SMG5: variants seen among roughly 807,000 people sequenced by gnomAD.
The protein encoded by SMG5 is nonsense-mediated mRNA decay factor SMG5.
A neutral mutation model predicts 122.9 loss-of-function variants in SMG5; 53 were observed. That is an observed-to-expected ratio of 0.43 (90% CI 0.35 to 0.54). SMG5 has a LOEUF of 0.54. Ranked by LOEUF, SMG5 falls within the 20% of genes least tolerant of loss-of-function variation. The pLI is 0.01. For synonymous variants in SMG5, 477 were observed against 490.2 expected (o/e 0.97, Z 0.35); for missense variants, 1,153 against 1,285.6 (o/e 0.90, Z 1.58).
intron 4 of SMG5, among the ~76,000 whole-genome samples, chr1:156,275,128 A>T (rs1296960498): frequency 7.8e-6 from 1 of 128,036 alleles, no homozygotes; most frequent in Non-Finnish European, 1.7e-5. Context: ...GAATGACGCC[A>T]ATTAAAAAAA....
In SMG5 at chr1:156,249,726, G is replaced by C. The variant is rs1210533234; in HGVS notation, c.*861C>G. ...TTCAGCCCTCCCTTAGATAGGAAGG[G>C]GGGTGGTGGCCTCAGACTGCACCCC... On this transcript the variant is annotated 3_prime_UTR_variant, in exon 22 of 22. Transcript: ENST00000361813. 4.3e-6 allele frequency: 2 copies of C among 469,632 alleles called. No individual in the cohort carries two copies. The highest frequency in any genetic ancestry group is 3.1e-5 in the South Asian group (2 of 64,510). 29.1% of individuals were successfully genotyped at this position (469,632 alleles called of 1,614,324 possible).
At chr1:156,259,623 G>A (rs909064269) in intron 15 of SMG5, among the ~76,000 whole-genome samples, 4 of 152,092 alleles carry the variant, frequency 2.6e-5, no homozygotes, top group African/African-American at 9.7e-5. Context: ...TCTACCTCCT[G>A]GGCTGAAGTC....
upstream of SMG5, chr1:156,286,504 G>A (rs759072561): frequency 2.5e-6 from 4 of 1,607,258 alleles, no homozygotes; most frequent in Non-Finnish European, 3.4e-6. Context: ...GGGCATGGGA[G>A]AGGGGATGGT....
chr1:156,260,725 G>T (rs1661785890), intron 14 of SMG5, 99 bp from the exon 15 acceptor site: 1 of 1,118,222 alleles, frequency 8.9e-7, no homozygotes, highest in Non-Finnish European at 1.2e-6. Flanking sequence ...CTGATGAGAT[G>T]ATGAGGCAGG....
At chr1:156,274,520 G>A in intron 5 of SMG5, 77 bp downstream of exon 5, 1 of 1,285,416 alleles carries the variant, frequency 7.8e-7, no homozygotes, top group Non-Finnish European at 1.1e-6. Context: ...CCATGTAATG[G>A]GTGTTACCAA....
intron 4 of SMG5, 49 bp downstream of exon 4, chr1:156,277,036 G>A: frequency 6.3e-7 from 1 of 1,590,142 alleles, no homozygotes; most frequent in South Asian, 1.1e-5. Context: ...TAAGGCCAGA[G>A]GTAGAAGCAT....
the SMG5 span, among the ~76,000 whole-genome samples, chr1:156,289,051 C>T: frequency 5.3e-5 from 8 of 152,210 alleles, no homozygotes; most frequent in African/African-American, 1.9e-4. Flanking sequence ...CTTTTCCTCT[C>T]TTATCCAGGG....
chr1:156,266,755 C>A, intron 10 of SMG5, 77 bp from the exon 11 acceptor site: 1 of 1,486,792 alleles, frequency 6.7e-7, no homozygotes, highest in Non-Finnish European at 9.2e-7. Context: ...AACCACATCT[C>A]ATCTGTTCTC....
chr1:156,258,864 T>A, intron 16 of SMG5, 141 bp downstream of exon 16: 3 of 981,198 alleles, frequency 3.1e-6, no homozygotes, highest in African/African-American at 1.7e-5. Context: ...CAGGCCTCCC[T>A]CCCAGCCTCC....
intron 4 of SMG5, among the ~76,000 whole-genome samples, chr1:156,276,172 G>C (rs1309810147): frequency 6.9e-6 from 1 of 145,560 alleles, no homozygotes; most frequent in Non-Finnish European, 1.5e-5. Context: ...TGTTACCCAG[G>C]CTGGAGTGCA....
chr1:156,251,787 TG>T (rs1266329869), intron 19 of SMG5, among the ~76,000 whole-genome samples: 1 of 152,192 alleles, frequency 6.6e-6, no homozygotes, highest in Non-Finnish European at 1.5e-5. Flanking sequence ...TGCAGCTTCC[TG>T]GCCAGCCAGA....
In SMG5 at chr1:156,265,910, G is replaced by A; in HGVS notation, c.1726C>T (p.Gln576Ter). 1 of 1,614,204 alleles carries A rather than the reference G, an allele frequency of 6.2e-7. No homozygotes were observed. The highest frequency in any genetic ancestry group is 1.6e-4 in the Middle Eastern group (1 of 6,062). ...GCCAGTCGGAAGCAGCGCTTAGTCTGGAACATCTGGGTGGACATGGCTTGT... is the reference window on the plus strand; with the variant it reads ...GCCAGTCGGAAGCAGCGCTTAGTCTAGAACATCTGGGTGGACATGGCTTGT... ...NLQAMSTQMF[Q>*]TKRCFRLAPT... The change falls in exon 12 of 22, where the codon CAG becomes TAG. Residue 576 changes from glutamine (Q) to a stop codon, truncating the protein, a stop_gained. Coordinates refer to ENST00000361813, the MANE Select transcript of SMG5 (RefSeq NM_015327.3). LOFTEE classifies it high-confidence loss of function.
Position 156,250,109 on chromosome 1 carries a change from G to C in SMG5, c.*478C>G. On this transcript the variant is annotated 3_prime_UTR_variant, in exon 22 of 22. Transcript: ENST00000361813. Reference sequence around the variant, plus strand: ...GAGGATGGGTGATCCTTGAGGAGGGGAAGGGTCTGCAGAGAATCACTCAGA... The same window carrying C: ...GAGGATGGGTGATCCTTGAGGAGGGCAAGGGTCTGCAGAGAATCACTCAGA... 1 of 371,680 alleles carries C rather than the reference G, an allele frequency of 2.7e-6. No individual in the cohort carries two copies. Among genetic ancestry groups the C allele is most frequent in the Non-Finnish European group, 5.4e-6 (1 of 183,548 alleles). The allele number at this position is 371,680 out of a possible 1,614,324, so 23.0% of individuals were successfully genotyped here.
At chr1:156,288,041 C>T in the SMG5 span, among the ~76,000 whole-genome samples, 4 of 151,800 alleles carry the variant, frequency 2.6e-5, no homozygotes, top group South Asian at 4.2e-4. Context: ...GGTGAAACCC[C>T]GTCTCTATTA....
intron 15 of SMG5, 98 bp downstream of exon 15, chr1:156,260,353 A>G (rs1661760950): frequency 1.5e-6 from 2 of 1,374,880 alleles, no homozygotes; most frequent in Non-Finnish European, 2.0e-6. Flanking sequence ...GTCTGAGTGG[A>G]AGAGGGCATC....
Position 156,253,514 on chromosome 1 carries a change from A to AG in SMG5, c.2443-7dup, listed in dbSNP as rs1661446392. The AG allele has an allele frequency of 3.1e-6, 5 of 1,613,908 alleles. No individual in the cohort carries two copies. The highest frequency in any genetic ancestry group is 4.2e-6 in the Non-Finnish European group (5 of 1,179,968). ...CGACGAGCTTCCTCCTGTGCCTATG[A>AG]GGGAAAAAATGAGCTGTAAGGAGTT... On this transcript the variant is annotated splice_region_variant and splice_polypyrimidine_tract_variant and intron_variant, in intron 16 of 21. Transcript: ENST00000361813.
chr1:156,266,018 C>G lies in SMG5; in HGVS notation c.1618G>C (p.Glu540Gln), dbSNP rs1314753283. 1 of 1,614,206 alleles carries G rather than the reference C, an allele frequency of 6.2e-7. No individual in the cohort carries two copies. The highest frequency in any genetic ancestry group is 8.5e-7 in the Non-Finnish European group (1 of 1,180,028). Reference protein sequence around the residue: ...EEEGTRSPTLEPPRGRSEAPD... With the variant: ...EEEGTRSPTLQPPRGRSEAPD... ...GCCTCTGATCTGCCCCGAGGGGGCT[C>G]CAGGGTTGGTGACCGTGTCCCCTCC... Residue 540 changes from glutamate to glutamine, a missense_variant, in exon 12 of 22, where the codon GAG becomes CAG. By Grantham distance (29) the Glu-to-Gln change is conservative (BLOSUM62 2). Around this residue, in one of 5 missense-constraint regions of SMG5, gnomAD observed 631 missense variants for 650.6 expected, o/e 0.97. Transcript: ENST00000361813.
intron 7 of SMG5, among the ~76,000 whole-genome samples, 160 bp downstream of exon 7, chr1:156,272,160 C>T (rs1244473601): frequency 6.6e-6 from 1 of 152,212 alleles, no homozygotes; most frequent in African/African-American, 2.4e-5. Flanking sequence ...TGAAAAGCAG[C>T]AGGGCTGTGT....
Position 156,266,066 on chromosome 1 carries a change from C to T in SMG5, c.1570G>A (p.Asp524Asn), listed in dbSNP as rs137951764. The change falls in exon 12 of 22, where the codon GAC (aspartate) becomes AAC (asparagine). Residue 524 changes from aspartate to asparagine, a missense_variant. Asp to Asn is a conservative substitution (Grantham distance 23, BLOSUM62 1). Coordinates refer to ENST00000361813, the MANE Select transcript of SMG5 (RefSeq NM_015327.3). Reference sequence around the variant, plus strand: ...TCCTCTTCCTCCATATCTTCCAAGTCTGATCGGGACTCCTGGCTATTCATT... The same window carrying T: ...TCCTCTTCCTCCATATCTTCCAAGTTTGATCGGGACTCCTGGCTATTCATT... ...SEMNSQESRS[D>N]LEDMEEEEGT... 1.2e-4 allele frequency: 200 copies of T among 1,614,098 alleles called. No homozygotes were observed. Among genetic ancestry groups the T allele is most frequent in the Non-Finnish European group, 1.6e-4 (192 of 1,180,036 alleles).
Sources: allele counts gnomAD v4.1 joint callset (sites outside exome capture counted in the v4.1 genomes callset), GRCh38; gene constraint gnomAD v4.1.1; regional missense constraint gnomAD v4.1.1; transcripts MANE v1.5; gene names NCBI Gene and HGNC (gene_info 2026-07-23, HGNC 2026-07-21).